SYT14: variants seen among roughly 807,000 people sequenced by gnomAD.
SYT14 encodes the protein synaptotagmin-14.
Under a neutral mutation model 74.2 loss-of-function variants are expected in SYT14, and 32 were observed. The ratio of observed to expected loss-of-function variants is 0.43; its 90% CI spans 0.33 to 0.58. The LOEUF is 0.58. SYT14 is among the 20% of genes least tolerant of loss of function. The pLI, the probability that SYT14 is intolerant of heterozygous loss-of-function variation, is 0.05. For synonymous variants in SYT14, 298 were observed against 337.7 expected (o/e 0.88, Z 1.29); for missense variants, 791 against 981.8 (o/e 0.81, Z 2.60).
chr1:210,143,219 G>T (rs1182679399), intron 7 of SYT14, among the ~76,000 whole-genome samples: 1 of 152,132 alleles, frequency 6.6e-6, no homozygotes. Context: ...TGCATTAGAA[G>T]TGTAATTTTA....
rs1440474926 is a variant in SYT14, at chr1:210,153,860, A to T, written c.2035-1861A>T. ...TTAACATTTTTTGCTATTAAGTACG[A>T]TGTTGCATGTTGCTAGATTTGGTTT... On this transcript the variant is annotated intron_variant, in intron 7 of 9. Transcript: ENST00000637265. Among the ~76,000 whole-genome samples, 7 of 152,338 alleles carry T rather than the reference A, an allele frequency of 4.6e-5. No individual in the cohort carries two copies. The East Asian group carries it at 1.3e-3, about 29-fold the overall frequency.
At chr1:210,067,910 T>C (rs2081326479) in intron 5 of SYT14, among the ~76,000 whole-genome samples, 1 of 151,880 alleles carries the variant, frequency 6.6e-6, no homozygotes, top group Admixed American at 6.6e-5. Flanking sequence ...AGGAAAGGTA[T>C]CTTGTTCAAC....
At chr1:210,054,104 C>T (rs1214754761) in intron 5 of SYT14, among the ~76,000 whole-genome samples, 2 of 151,934 alleles carry the variant, frequency 1.3e-5, no homozygotes, top group Admixed American at 6.6e-5. Context: ...ATTTTATTTT[C>T]TCTGCAAGTT....
chr1:210,013,663 CTGTTGGGG>C (rs2080129312), exon 3 of SYT14: 3 of 1,612,690 alleles, frequency 1.9e-6, no homozygotes, highest in Non-Finnish European at 2.5e-6. Context: ...TTTTTGTCAG[CTGTTGGGG>C]TGTTTATTAT....
chr1:210,054,600 A>G (rs2081062692), intron 5 of SYT14, among the ~76,000 whole-genome samples: 1 of 152,188 alleles, frequency 6.6e-6, no homozygotes, highest in Non-Finnish European at 1.5e-5. Context: ...TAGATTAGAA[A>G]CTGTGTGCCT....
rs192025495 is a variant in SYT14 at position 210,039,040 on chromosome 1, A to G, written c.1312+17786A>G. Among the ~76,000 whole-genome samples, 1,112 of 152,134 alleles carry G rather than the reference A, an allele frequency of 7.3e-3. 5 individuals carry two copies. Among genetic ancestry groups the G allele is most frequent in the Non-Finnish European group, 0.013 (870 of 67,990 alleles). ...TTTTTCTTTTCCCTCAGGAATACCT[A>G]TGACTCCTAGGTTCTGGTGTTTTAC... On this transcript the variant is annotated intron_variant, in intron 5 of 9. Transcript: ENST00000637265.
intron 5 of SYT14, among the ~76,000 whole-genome samples, chr1:210,075,657 A>G (rs2081486104): frequency 6.6e-6 from 1 of 152,030 alleles, no homozygotes; most frequent in Non-Finnish European, 1.5e-5. Context: ...TTATAGGCAC[A>G]GGATGGGGGC....
intron 1 of SYT14, among the ~76,000 whole-genome samples, chr1:209,950,926 TTAAAG>T (rs2078901694): frequency 6.6e-6 from 1 of 152,182 alleles, no homozygotes; most frequent in South Asian, 2.1e-4. Context: ...TCAGCTTACA[TTAAAG>T]TAATGACATG....
intron 9 of SYT14, 90 bp from the exon 9 acceptor site, chr1:210,160,639 G>A (rs2083354086): frequency 2.6e-6 from 3 of 1,135,354 alleles, no homozygotes; most frequent in Non-Finnish European, 3.8e-6. Context: ...TCCTTATAAA[G>A]TATAAATACT....
intron 7 of SYT14, among the ~76,000 whole-genome samples, chr1:210,121,482 A>G (rs1572338527): frequency 6.6e-6 from 1 of 152,178 alleles, no homozygotes; most frequent in Non-Finnish European, 1.5e-5. Flanking sequence ...TGTTTTTGAG[A>G]TACAACTTTT....
chr1:210,051,560 T>C (rs1572216805), intron 5 of SYT14, among the ~76,000 whole-genome samples: 1 of 151,946 alleles, frequency 6.6e-6, no homozygotes, highest in East Asian at 1.9e-4. Flanking sequence ...AGTTTCTGGC[T>C]TATCATTCCT....
chr1:210,116,926 T>C (rs988205376), intron 7 of SYT14, among the ~76,000 whole-genome samples: 1 of 152,226 alleles, frequency 6.6e-6, no homozygotes, highest in Non-Finnish European at 1.5e-5. Flanking sequence ...GAGGTGTCAG[T>C]ATCCTGCCCC....
At chr1:209,991,620 G>A (rs2079687936) in intron 2 of SYT14, among the ~76,000 whole-genome samples, 1 of 152,088 alleles carries the variant, frequency 6.6e-6, no homozygotes, top group Non-Finnish European at 1.5e-5. Flanking sequence ...TTATTAAAAA[G>A]TCAAATAACA....
chr1:210,066,288 T>C (rs1184722468), intron 5 of SYT14, among the ~76,000 whole-genome samples: 1 of 151,988 alleles, frequency 6.6e-6, no homozygotes, highest in African/African-American at 2.4e-5. Flanking sequence ...TCTAGATCCC[T>C]GAGGAATCGC....
intron 5 of SYT14, 151 bp from the exon 5 acceptor site, chr1:210,094,171 C>A: frequency 9.9e-7 from 1 of 1,007,940 alleles, no homozygotes; most frequent in Non-Finnish European, 1.5e-6. Flanking sequence ...TGCCTCTGAA[C>A]TAGGGAAAAA....
chr1:210,164,397 G>C (rs1239585667), exon 10 of SYT14: 3 of 171,752 alleles, frequency 1.7e-5, no homozygotes, highest in Admixed American at 1.1e-4. Flanking sequence ...GCCCAGGGCT[G>C]TTTGTTAAAT....
chr1:209,938,333 G>T, intron 1 of SYT14, 56 bp downstream of exon 1: 2 of 1,515,032 alleles, frequency 1.3e-6, no homozygotes, highest in South Asian at 1.2e-5. Flanking sequence ...CTGGCGGGGG[G>T]CTCGGAGGTG....
At chr1:209,940,500 T>C (rs2078713011) in intron 1 of SYT14, among the ~76,000 whole-genome samples, 2 of 152,308 alleles carry the variant, frequency 1.3e-5, no homozygotes, top group Admixed American at 6.5e-5. Context: ...ATTTTAAACA[T>C]GCAATTACAG....
chr1:210,036,998 G>C (rs2080678736), intron 5 of SYT14, among the ~76,000 whole-genome samples: 1 of 151,858 alleles, frequency 6.6e-6, no homozygotes, highest in Non-Finnish European at 1.5e-5. Flanking sequence ...AGTTTCAGTA[G>C]GATTGGTATC....
Sources: gnomAD v4.1 joint callset for allele counts (sites outside exome capture counted in the v4.1 genomes callset) on GRCh38, gnomAD v4.1.1 for gene constraint, MANE v1.5 for transcripts, NCBI Gene and HGNC (gene_info 2026-07-23, HGNC 2026-07-21) for gene names.